The following GLP1R variants were observed in gnomAD, a reference collection of about 807,000 sequenced individuals.
The protein encoded by GLP1R is glucagon like peptide 1 receptor.
GLP1R carries 32 observed loss-of-function variants against 68.4 expected under a neutral mutation model. That is an observed-to-expected ratio of 0.47 (90% CI 0.35 to 0.63). The LOEUF (loss-of-function observed/expected upper bound fraction) is 0.63. Ranked by LOEUF, GLP1R falls within the 20% of genes least tolerant of loss-of-function variation. GLP1R has a pLI of 0.00. For synonymous variants in GLP1R, 263 were observed against 244.4 expected (o/e 1.08, Z -0.71); for missense variants, 502 against 594.9 (o/e 0.84, Z 1.62).
At chr6:39,078,861 C>A in intron 8 of GLP1R, 96 bp from the exon 9 acceptor site, 1 of 1,031,338 alleles carries the variant, frequency 9.7e-7, no homozygotes, top group Non-Finnish European at 1.5e-6. Context: ...TGGCACTCAA[C>A]ATGGCCATGT....
Position 39,073,779 on chromosome 6 carries a change from G to T in GLP1R, c.823+10G>T, listed in dbSNP as rs148468737. 392 of 1,612,944 alleles carry T rather than the reference G, an allele frequency of 2.4e-4. No homozygotes were observed. The African/African-American group carries it at 3.4e-3, about 14-fold the overall frequency. On this transcript the variant is annotated intron_variant, in intron 7 of 12. Coordinates refer to ENST00000373256, the MANE Select transcript of GLP1R (RefSeq NM_002062.5). The stretch of plus-strand genomic sequence containing the variant: ...GTGAGCATAGGCTGGGGTAAGAACC[G>T]CCATCACCCACCCTGGACCTGTGGC...
intron 1 of GLP1R, among the ~76,000 whole-genome samples, chr6:39,052,038 C>A (rs139152905): frequency 5.7e-4 from 86 of 151,648 alleles, no homozygotes; most frequent in African/African-American, 2.0e-3. Flanking sequence ...CGACTGTGTA[C>A]CTGGCAGTCT....
chr6:39,063,367 C>A (rs889890998), intron 3 of GLP1R, among the ~76,000 whole-genome samples: 1 of 152,112 alleles, frequency 6.6e-6, no homozygotes, highest in Non-Finnish European at 1.5e-5. Context: ...AGGGGCCCTT[C>A]GCGTTGCTAA....
chr6:39,050,122 G>A (rs188214199), intron 1 of GLP1R, among the ~76,000 whole-genome samples: 1 of 152,196 alleles, frequency 6.6e-6, no homozygotes, highest in Admixed American at 6.5e-5. Flanking sequence ...TCCTCTCCCT[G>A]CCCCTGTTCC....
At chr6:39,055,567 C>G (rs1768190660) in intron 1 of GLP1R, among the ~76,000 whole-genome samples, 1 of 152,246 alleles carries the variant, frequency 6.6e-6, no homozygotes, top group African/African-American at 2.4e-5. Context: ...TCCCTACTCA[C>G]AGGTGAGAGG....
chr6:39,070,786 T>C (rs546028999), intron 5 of GLP1R, among the ~76,000 whole-genome samples: 16 of 152,316 alleles, frequency 1.1e-4, no homozygotes, highest in Non-Finnish European at 1.8e-4. Flanking sequence ...TATTTGGGTT[T>C]TTCTTTTCTA....
At chr6:39,083,632 A>AT (rs1157293991) in intron 12 of GLP1R, among the ~76,000 whole-genome samples, 1 of 151,994 alleles carries the variant, frequency 6.6e-6, no homozygotes, top group Non-Finnish European at 1.5e-5. Context: ...GGGGCAAGTC[A>AT]TTTTGCCTCC....
Position 39,073,915 on chromosome 6 carries a change from C to T in GLP1R, c.823+146C>T, listed in dbSNP as rs142698449. 2.1e-4 allele frequency: 142 copies of T among 679,810 alleles called. 2 individuals are homozygous for T. The East Asian group carries it at 2.2e-3, about 10-fold the overall frequency. The allele number at this position is 679,810 out of a possible 1,614,324, so 42.1% of individuals were successfully genotyped here. A position where few individuals can be genotyped will look rare whatever the true frequency, so the allele number is the denominator to read the frequency against. ...TCTTCCTGGGCACAGGACCTTCTGC[C>T]CCGGTGCTGTTAAGATGCCGTAGGG... is the stretch of plus-strand genomic sequence containing the variant. On this transcript the variant is annotated intron_variant, in intron 7 of 12. Transcript: ENST00000373256.
chr6:39,065,369 A>T (rs189420535), intron 3 of GLP1R, among the ~76,000 whole-genome samples: 3 of 152,328 alleles, frequency 2.0e-5, no homozygotes, highest in East Asian at 1.9e-4. Flanking sequence ...GGAGGCAGGG[A>T]CATGGAACTG....
rs200305484 is a variant in GLP1R, at chr6:39,080,759, G to C, written c.1224+20G>C. The C allele has an allele frequency of 1.4e-5, 21 of 1,544,774 alleles. No individual in the cohort carries two copies. The highest frequency in any genetic ancestry group is 1.9e-5 in the Non-Finnish European group (21 of 1,131,076). On this transcript the variant is annotated intron_variant, in intron 12 of 12. Coordinates refer to ENST00000373256, the MANE Select transcript of GLP1R (RefSeq NM_002062.5). ...AATGAGGTAAGCTCTGAGGAGGGAC[G>C]GTGGGGACCCTGGTGGGTGGGTACC...
At chr6:39,069,574 A>G (rs13220836) in intron 5 of GLP1R, among the ~76,000 whole-genome samples, 4 of 46,562 alleles carry the variant, frequency 8.6e-5, no homozygotes, top group African/African-American at 2.2e-4. Context: ...CGGAGTGAGC[A>G]GAGCAGTGAG....
Position 39,077,766 on chromosome 6 carries a change from C to T in GLP1R, c.824-556C>T, listed in dbSNP as rs141058741. ...TAGCTGTTGTTATTGTAGGCCACTG[C>T]GGACAGTTAGTTGGTCAGCTGGCAT... is the stretch of plus-strand genomic sequence containing the variant. On this transcript the variant is annotated intron_variant, in intron 7 of 12. Coordinates refer to ENST00000373256, the MANE Select transcript of GLP1R (RefSeq NM_002062.5). Among the ~76,000 whole-genome samples, 5 of 152,218 alleles carry T rather than the reference C, an allele frequency of 3.3e-5. No homozygotes were observed. The South Asian group carries it at 6.2e-4, about 19-fold the overall frequency.
At chr6:39,065,858 G>T in intron 4 of GLP1R, 29 bp downstream of exon 4, 1 of 1,358,608 alleles carries the variant, frequency 7.4e-7, no homozygotes, top group South Asian at 1.2e-5. Context: ...CTGAGCCAGG[G>T]AGCGGGGAGC....
Position 39,091,219 on chromosome 6 carries a change from A to T in GLP1R, c.*5146A>T, listed in dbSNP as rs1430395847. 6.6e-6 allele frequency among the ~76,000 whole-genome samples: 1 copy of T among 152,174 alleles called. No homozygotes were observed. The highest frequency in any genetic ancestry group is 1.5e-5 in the Non-Finnish European group (1 of 68,028). ...TCTATAGGTAGCGAATGTGTAGGTC[A>T]TATAATTCCTTGTACAGATGTGAAT... On this transcript the variant is annotated 3_prime_UTR_variant, in exon 13 of 13. Coordinates refer to ENST00000373256, the MANE Select transcript of GLP1R (RefSeq NM_002062.5).
chr6:39,070,436 T>C (rs1351735675), intron 5 of GLP1R, among the ~76,000 whole-genome samples: 2 of 152,238 alleles, frequency 1.3e-5, no homozygotes, highest in Admixed American at 6.5e-5. Flanking sequence ...TTGGGTGCAA[T>C]GTACATTCTT....
Position 39,089,136 on chromosome 6 carries a change from A to T in GLP1R, c.*3063A>T, listed in dbSNP as rs974938507. Among the ~76,000 whole-genome samples the T allele has an allele frequency of 6.6e-6, 1 of 152,208 alleles. No individual in the cohort carries two copies. The highest frequency in any genetic ancestry group is 2.4e-5 in the African/African-American group (1 of 41,442). On this transcript the variant is annotated 3_prime_UTR_variant, in exon 13 of 13. Coordinates refer to ENST00000373256, the MANE Select transcript of GLP1R (RefSeq NM_002062.5). This position sits in a 1 kb window ranked among gnomAD's most constrained non-coding sequence, Gnocchi z 4.1. ...TTATACTGGTGAGAGGAGGGGAAGGATGTGCTTTCCTATTTTTACACTGGT... is the reference window on the plus strand; with the variant it reads ...TTATACTGGTGAGAGGAGGGGAAGGTTGTGCTTTCCTATTTTTACACTGGT...
At chr6:39,071,410 A>G (rs1444667246) in intron 5 of GLP1R, among the ~76,000 whole-genome samples, 1 of 151,444 alleles carries the variant, frequency 6.6e-6, no homozygotes, top group African/African-American at 2.4e-5. Flanking sequence ...CCCTAGTGTC[A>G]TAAAGATGGC....
At position 39,048,794 on chromosome 6, in the gene GLP1R, C is replaced by A. The variant is rs10305419; in HGVS notation, c.-47C>A. 5 of 882,130 alleles carry A rather than the reference C, an allele frequency of 5.7e-6. No individual in the cohort carries two copies. The South Asian group carries it at 5.8e-5, about 10-fold the overall frequency. 54.6% of individuals were successfully genotyped at this position (882,130 alleles called of 1,614,324 possible). On this transcript the variant is annotated 5_prime_UTR_variant, in exon 1 of 13. Coordinates refer to ENST00000373256, the MANE Select transcript of GLP1R (RefSeq NM_002062.5). ...CACCAGCCCGGGATCAGTCTCCGCACGCGGTTCCGCAGGTGGCAGCGATGG... is the reference window on the plus strand; with the variant it reads ...CACCAGCCCGGGATCAGTCTCCGCAAGCGGTTCCGCAGGTGGCAGCGATGG...
rs1768924994 is a variant in GLP1R, at chr6:39,079,278, C to T, written c.1043+78C>T. The T allele has an allele frequency of 9.5e-7, 1 of 1,050,684 alleles. No homozygotes were observed. The highest frequency in any genetic ancestry group is 1.5e-6 in the Non-Finnish European group (1 of 674,436). The allele number at this position is 1,050,684 out of a possible 1,614,324, so 65.1% of individuals were successfully genotyped here. On this transcript the variant is annotated intron_variant, in intron 10 of 12. Transcript: ENST00000373256. The surrounding 1 kb of genome is among the most constrained non-coding windows in gnomAD (Gnocchi z 4.5). ...TTCTAGCAGAGAGAGAGAGAGAGATCCTGGGATGCTTAGCTTAGAGCCCTA... is the reference window on the plus strand; with the variant it reads ...TTCTAGCAGAGAGAGAGAGAGAGATTCTGGGATGCTTAGCTTAGAGCCCTA...
Sources: allele counts gnomAD v4.1 joint callset (sites outside exome capture counted in the v4.1 genomes callset), GRCh38; gene constraint gnomAD v4.1.1; non-coding constraint Gnocchi (gnomAD v3.1); transcripts MANE v1.5; gene names NCBI Gene and HGNC (gene_info 2026-07-23, HGNC 2026-07-21).